CST7: variants seen among roughly 807,000 people sequenced by gnomAD.
CST7 encodes cystatin F.
CST7 carries 15 observed loss-of-function variants against 13.1 expected under a neutral mutation model. The observed-to-expected ratio is 1.14, with a 90% confidence interval of 0.77 to 1.76. The LOEUF is 1.76. Among genes scored for constraint, CST7 ranks in the 40% most tolerant of loss-of-function variants. CST7 has a pLI of 0.00. For missense variants in CST7, 193 were observed against 178.8 expected, an observed-to-expected ratio of 1.08 and a Z score of -0.45; for synonymous variants, 75 against 66.9, an observed-to-expected ratio of 1.12 and a Z score of -0.59.
At chr20:24,951,117 G>C (rs183280476) in intron 1 of CST7, among the ~76,000 whole-genome samples, 8 of 152,178 alleles carry the variant, frequency 5.3e-5, no homozygotes, top group African/African-American at 1.7e-4. Context: ...GGTATGTAAT[G>C]CTGCACCAAG....
At position 24,959,665 on chromosome 20, in the gene CST7, G is replaced by C; in HGVS notation, c.391G>C (p.Val131Leu). 1.2e-6 allele frequency: 2 copies of C among 1,614,066 alleles called. No homozygotes were observed. The highest frequency in any genetic ancestry group is 1.1e-5 in the South Asian group (1 of 91,076). The change falls in exon 4 of 4, where the codon GTG becomes CTG. Residue 131 changes from valine (V) to leucine (L), a missense_variant. Val to Leu is a conservative substitution (Grantham distance 32). Coordinates refer to ENST00000480798, the MANE Select transcript of CST7 (RefSeq NM_003650.4). ...GAGCTGCTACTCTGAAGTCTGGGTC[G>C]TGCCCTGGCTCCAGCACTTCGAGGT... ...TLSCYSEVWV[V>L]PWLQHFEVPV...
At position 24,957,399 on chromosome 20, in the gene CST7, C is replaced by A; in HGVS notation, c.183C>A (p.Asn61Lys). ...QAARYSVEKF[N>K]NCTNDMFLFK... ...CCAGATACAGTGTTGAAAAGTTCAA[C>A]AACTGCACGAACGACATGTTCTTGT... The change falls in exon 2 of 4, where the codon AAC becomes AAA. Residue 61 changes from asparagine to lysine, a missense_variant. Asn to Lys is a moderately conservative substitution (Grantham distance 94). Coordinates refer to ENST00000480798, the MANE Select transcript of CST7 (RefSeq NM_003650.4). 1 of 1,613,780 alleles carries A rather than the reference C, an allele frequency of 6.2e-7. No individual in the cohort carries two copies. Among genetic ancestry groups the A allele is most frequent in the Non-Finnish European group, 8.5e-7 (1 of 1,179,802 alleles).
In CST7 at chr20:24,949,370, C is replaced by T; in HGVS notation, c.-136C>T. 6.4e-7 allele frequency: 1 copy of T among 1,573,008 alleles called. No individual in the cohort carries two copies. Among genetic ancestry groups the T allele is most frequent in the Non-Finnish European group, 8.6e-7 (1 of 1,157,936 alleles). ...GATTGGCACGGGCACAGACCACTGC[C>T]CCCACCTGCCCTGCGCCATCTACCC... On this transcript the variant is annotated 5_prime_UTR_variant, in exon 1 of 4. Transcript: ENST00000480798.
intron 2 of CST7, among the ~76,000 whole-genome samples, chr20:24,958,626 T>G (rs1568806672): frequency 6.6e-6 from 1 of 152,106 alleles, no homozygotes; most frequent in African/African-American, 2.4e-5. Flanking sequence ...GAGTGAGGGC[T>G]GCAGGGCGGG....
chr20:24,959,055 A>G lies in CST7; in HGVS notation c.360+11A>G, dbSNP rs772861443. The G allele has an allele frequency of 9.4e-6, 15 of 1,598,352 alleles. No individual in the cohort carries two copies. The highest frequency in any genetic ancestry group is 6.7e-5 in the African/African-American group (5 of 74,618). ...CACACCTTGAAGCAGGTAAAGCAGCAGGCCCTTCTCTCAGATGTGCCCTCT... is the reference window on the plus strand; with the variant it reads ...CACACCTTGAAGCAGGTAAAGCAGCGGGCCCTTCTCTCAGATGTGCCCTCT... On this transcript the variant is annotated intron_variant, in intron 3 of 3. Transcript: ENST00000480798.
At chr20:24,959,592 C>A in intron 3 of CST7, 43 bp from the exon 4 acceptor site, 1 of 1,592,308 alleles carries the variant, frequency 6.3e-7, no homozygotes, top group Non-Finnish European at 8.6e-7. Flanking sequence ...GGGCTCCCCG[C>A]AGGGAAAGTC....
Position 24,959,779 on chromosome 20 carries a change from A to C in CST7, c.*67A>C, listed in dbSNP as rs1600275495. On this transcript the variant is annotated 3_prime_UTR_variant, in exon 4 of 4. Transcript: ENST00000480798. The stretch of plus-strand genomic sequence containing the variant: ...GGATGCATGCTCCTTGTCCCCTCCC[A>C]CCCGCCTCATGACCCAGCCTCACAG... 4 of 1,494,520 alleles carry C rather than the reference A, an allele frequency of 2.7e-6. No individual in the cohort carries two copies. The highest frequency in any genetic ancestry group is 3.7e-6 in the Non-Finnish European group (4 of 1,073,614). 92.6% of individuals were successfully genotyped at this position (1,494,520 alleles called of 1,614,324 possible).
intron 1 of CST7, among the ~76,000 whole-genome samples, chr20:24,955,695 C>G (rs1193547521): frequency 6.6e-6 from 1 of 152,144 alleles, no homozygotes; most frequent in Non-Finnish European, 1.5e-5. Flanking sequence ...GTGATCTGCC[C>G]GCCTCGGCCT....
rs2087885048 is a variant in CST7, at chr20:24,959,879, G to A, written c.*167G>A. 2 of 655,204 alleles carry A rather than the reference G, an allele frequency of 3.1e-6. No individual in the cohort carries two copies. The highest frequency in any genetic ancestry group is 2.7e-5 in the East Asian group (1 of 37,668). 40.6% of individuals were successfully genotyped at this position (655,204 alleles called of 1,614,324 possible). A position where few individuals can be genotyped will look rare whatever the true frequency, so the allele number is the denominator to read the frequency against. On this transcript the variant is annotated 3_prime_UTR_variant, in exon 4 of 4. Transcript: ENST00000480798. ...CGCAGGGCAGCTGGAATGGCAGCATGGTAGCACCTCCTAACAGATTAAATA... is the reference window on the plus strand; with the variant it reads ...CGCAGGGCAGCTGGAATGGCAGCATAGTAGCACCTCCTAACAGATTAAATA...
intron 1 of CST7, among the ~76,000 whole-genome samples, chr20:24,957,014 G>GA (rs1433217370): frequency 6.4e-5 from 5 of 78,344 alleles, no homozygotes; most frequent in Admixed American, 1.2e-4. Flanking sequence ...GGCAGGTGAG[G>GA]GGGGCAGGTG....
chr20:24,956,561 CA>C (rs1232632651), intron 1 of CST7, among the ~76,000 whole-genome samples: 1 of 152,142 alleles, frequency 6.6e-6, no homozygotes, highest in Non-Finnish European at 1.5e-5. Context: ...TCCCCGACCC[CA>C]ACGAAGCTTG....
chr20:24,954,941 A>T (rs1038649531), intron 1 of CST7, among the ~76,000 whole-genome samples: 8 of 152,108 alleles, frequency 5.3e-5, no homozygotes, highest in African/African-American at 1.7e-4. Flanking sequence ...TTCTACCAAA[A>T]ATAGGTAAGT....
At chr20:24,955,375 T>G (rs1568805482) in intron 1 of CST7, among the ~76,000 whole-genome samples, 1 of 151,646 alleles carries the variant, frequency 6.6e-6, no homozygotes, top group South Asian at 2.1e-4. Flanking sequence ...GGACCTCCCC[T>G]AGATGGCCAA....
At chr20:24,952,913 A>T (rs1268657784) in intron 1 of CST7, among the ~76,000 whole-genome samples, 1 of 152,138 alleles carries the variant, frequency 6.6e-6, no homozygotes, top group Non-Finnish European at 1.5e-5. Context: ...TTCCTACTAA[A>T]GGCAGGTGGG....
intron 1 of CST7, 46 bp downstream of exon 1, chr20:24,949,621 A>T: frequency 6.2e-7 from 1 of 1,609,910 alleles, no homozygotes; most frequent in Non-Finnish European, 8.5e-7. Context: ...TCTCTCCCTG[A>T]GATTGGCCAC....
chr20:24,953,072 C>G (rs2087830480), intron 1 of CST7, among the ~76,000 whole-genome samples: 1 of 152,352 alleles, frequency 6.6e-6, no homozygotes, highest in East Asian at 1.9e-4. Flanking sequence ...GAAACTGCAG[C>G]TCCCTGCTGC....
intron 1 of CST7, among the ~76,000 whole-genome samples, chr20:24,956,505 A>G (rs184168410): frequency 2.1e-3 from 313 of 152,248 alleles, no homozygotes; most frequent in African/African-American, 7.3e-3. Flanking sequence ...CTGCTTCCCC[A>G]TCTTTTATCC....
Position 24,949,376 on chromosome 20 carries a change from C to T in CST7, c.-130C>T. 4.4e-6 allele frequency: 7 copies of T among 1,579,678 alleles called. No homozygotes were observed. The highest frequency in any genetic ancestry group is 6.0e-6 in the Non-Finnish European group (7 of 1,161,262). On this transcript the variant is annotated 5_prime_UTR_variant, in exon 1 of 4. Transcript: ENST00000480798. ...CACGGGCACAGACCACTGCCCCCAC[C>T]TGCCCTGCGCCATCTACCCAAGAAG...
intron 1 of CST7, 36 bp from the exon 2 acceptor site, chr20:24,957,251 C>T: frequency 6.3e-7 from 1 of 1,598,728 alleles, no homozygotes; most frequent in Non-Finnish European, 8.5e-7. Flanking sequence ...GCCCCACTAA[C>T]ATCAGTGTTC....
Sources: gnomAD v4.1 joint callset for allele counts (sites outside exome capture counted in the v4.1 genomes callset) on GRCh38, gnomAD v4.1.1 for gene constraint, MANE v1.5 for transcripts, NCBI Gene and HGNC (gene_info 2026-07-23, HGNC 2026-07-21) for gene names.